The following NRXN3 variants were observed in gnomAD, a reference collection of about 807,000 sequenced individuals.
NRXN3 encodes the protein neurexin III.
NRXN3 carries 32 observed loss-of-function variants against 137.6 expected under a neutral mutation model. The ratio of observed to expected loss-of-function variants is 0.23; its 90% CI spans 0.18 to 0.31. The LOEUF (loss-of-function observed/expected upper bound fraction) is 0.31, where lower values mean the gene tolerates loss of function less well. Ranked by LOEUF, NRXN3 falls within the 10% of genes least tolerant of loss-of-function variation. NRXN3 has a pLI of 1.00. For synonymous variants in NRXN3, 798 were observed against 784.5 expected, an observed-to-expected ratio of 1.02 and a Z score of -0.29; for missense variants, 1,574 against 2,062.5, an observed-to-expected ratio of 0.76 and a Z score of 4.59.
intron 19 of NRXN3, among the ~76,000 whole-genome samples, chr14:79,793,754 A>C (rs2099152739): frequency 6.6e-6 from 1 of 152,274 alleles, no homozygotes; most frequent in Non-Finnish European, 1.5e-5. Flanking sequence ...TAAGTAAATA[A>C]AAATGTAAAT....
chr14:79,630,374 A>G (rs1032913548), intron 16 of NRXN3, among the ~76,000 whole-genome samples: 6 of 152,236 alleles, frequency 3.9e-5, no homozygotes, highest in African/African-American at 1.4e-4. Flanking sequence ...CACAGAGAGC[A>G]GAATTTCAAG....
chr14:78,356,157 T>G (rs1166378308), intron 4 of NRXN3, among the ~76,000 whole-genome samples: 1 of 152,234 alleles, frequency 6.6e-6, no homozygotes, highest in Non-Finnish European at 1.5e-5. Context: ...TGGTTGGCCC[T>G]CTCTCTTCTC....
At chr14:79,536,879 T>A (rs1259037036) in intron 16 of NRXN3, among the ~76,000 whole-genome samples, 1 of 152,174 alleles carries the variant, frequency 6.6e-6, no homozygotes, top group African/African-American at 2.4e-5. Flanking sequence ...TTTAGGTTGA[T>A]TCTGTGTCTT....
intron 4 of NRXN3, among the ~76,000 whole-genome samples, chr14:78,473,379 G>A (rs1599129121): frequency 6.7e-6 from 1 of 148,246 alleles, no homozygotes; most frequent in African/African-American, 2.5e-5. Flanking sequence ...TCCAGCCTGG[G>A]CAACAGAGCG....
At chr14:78,640,042 G>T (rs1258704287) in intron 4 of NRXN3, among the ~76,000 whole-genome samples, 1 of 151,936 alleles carries the variant, frequency 6.6e-6, no homozygotes, top group Non-Finnish European at 1.5e-5. Flanking sequence ...GTCTTTTTCT[G>T]CCAAATTTTG....
intron 15 of NRXN3, among the ~76,000 whole-genome samples, chr14:79,106,953 A>G (rs1217640202): frequency 6.6e-6 from 1 of 152,160 alleles, no homozygotes; most frequent in Non-Finnish European, 1.5e-5. Flanking sequence ...TGATTTTTTA[A>G]AAAAAGTATA....
At chr14:78,859,848 G>GT (rs946742813) in intron 10 of NRXN3, among the ~76,000 whole-genome samples, 5 of 152,052 alleles carry the variant, frequency 3.3e-5, no homozygotes, top group Admixed American at 1.3e-4. Flanking sequence ...AAGACACAAA[G>GT]TCACTTTAGA....
chr14:79,853,667 T>G (rs1344007728), intron 20 of NRXN3: 1 of 1,305,412 alleles, frequency 7.7e-7, no homozygotes, highest in Non-Finnish European at 1.0e-6. Context: ...CTCCCCTTCC[T>G]GCATCTTTCC....
chr14:79,773,413 T>C (rs1603481978), intron 19 of NRXN3, among the ~76,000 whole-genome samples: 1 of 151,790 alleles, frequency 6.6e-6, no homozygotes, highest in East Asian at 1.9e-4. Flanking sequence ...ATTAAGAAAA[T>C]GTGGCACATA....
At chr14:78,804,707 A>T (rs2098850639) in intron 9 of NRXN3, among the ~76,000 whole-genome samples, 1 of 152,218 alleles carries the variant, frequency 6.6e-6, no homozygotes, top group South Asian at 2.1e-4. Flanking sequence ...CTCTTCTGCT[A>T]TTGACCTTTA....
chr14:78,499,782 T>C (rs1262193173), intron 4 of NRXN3, among the ~76,000 whole-genome samples: 1 of 152,202 alleles, frequency 6.6e-6, no homozygotes, highest in Non-Finnish European at 1.5e-5. Context: ...TGTCAGTTCC[T>C]AGCTGGCTGT....
chr14:79,546,211 A>G (rs1051366198), intron 16 of NRXN3, among the ~76,000 whole-genome samples: 3 of 152,192 alleles, frequency 2.0e-5, no homozygotes, highest in Admixed American at 6.5e-5. Context: ...AAATGGACTA[A>G]TATATAGATG....
At chr14:79,815,768 C>G (rs2099249791) in intron 20 of NRXN3, among the ~76,000 whole-genome samples, 1 of 152,076 alleles carries the variant, frequency 6.6e-6, no homozygotes, top group Admixed American at 6.6e-5. Flanking sequence ...TATGACAGCC[C>G]TAAACTCAGA....
chr14:78,536,801 C>T (rs1160318847), intron 4 of NRXN3, among the ~76,000 whole-genome samples: 11 of 150,710 alleles, frequency 7.3e-5, no homozygotes, highest in Non-Finnish European at 1.2e-4. Context: ...GTTCCCCGGC[C>T]TGTGTCCAAG....
At chr14:79,539,064 G>T (rs914119831) in intron 16 of NRXN3, among the ~76,000 whole-genome samples, 3 of 152,238 alleles carry the variant, frequency 2.0e-5, no homozygotes, top group African/African-American at 4.8e-5. Flanking sequence ...TTTGTTTGTT[G>T]GTTGGTTGGT....
At chr14:78,968,133 C>CCTTTA (rs769437359) in intron 13 of NRXN3, 40 bp from the exon 14 acceptor site, 2 of 1,279,258 alleles carry the variant, frequency 1.6e-6, no homozygotes, top group Non-Finnish European at 1.0e-6. Flanking sequence ...GTCACCACAT[C>CCTTTA]CTTTACTCAT....
intron 15 of NRXN3, among the ~76,000 whole-genome samples, chr14:79,427,623 G>A (rs2095674813): frequency 6.6e-6 from 1 of 152,118 alleles, no homozygotes; most frequent in South Asian, 2.1e-4. Flanking sequence ...CTTGAGACCA[G>A]GAGTTCGAGA....
At chr14:78,706,768 C>T (rs986757594) in intron 6 of NRXN3, among the ~76,000 whole-genome samples, 6 of 152,292 alleles carry the variant, frequency 3.9e-5, no homozygotes, top group African/African-American at 9.6e-5. Context: ...GTTAGGTCCA[C>T]GGTCAAGGTT....
chr14:78,397,006 C>G (rs1382982759), intron 4 of NRXN3, among the ~76,000 whole-genome samples: 1 of 152,162 alleles, frequency 6.6e-6, no homozygotes, highest in Non-Finnish European at 1.5e-5. Flanking sequence ...TAAGACCCTA[C>G]CCTTATGACC....
Sources: allele counts gnomAD v4.1 joint callset (sites outside exome capture counted in the v4.1 genomes callset), GRCh38; gene constraint gnomAD v4.1.1; transcripts MANE v1.5; gene names NCBI Gene and HGNC (gene_info 2026-07-23, HGNC 2026-07-21).